The following SQOR variants were observed in gnomAD, a reference collection of about 807,000 sequenced individuals.
The protein encoded by SQOR is sulfide quinone oxidoreductase.
Under a neutral mutation model 48.6 loss-of-function variants are expected in SQOR, and 39 were observed. That is an observed-to-expected ratio of 0.80 (90% CI 0.62 to 1.05). SQOR has a LOEUF of 1.05. Ranked by LOEUF, SQOR falls within the 50% of genes least tolerant of loss-of-function variation. The pLI is 0.00. For missense variants in SQOR, 561 were observed against 559.9 expected, an observed-to-expected ratio of 1.00 and a Z score of -0.02; for synonymous variants, 220 against 206.2, an observed-to-expected ratio of 1.07 and a Z score of -0.57.
intron 1 of SQOR, chr15:45,645,946 A>T (rs533021126): frequency 3.9e-5 from 6 of 152,254 alleles, no homozygotes; most frequent in Admixed American, 2.0e-4. Context: ...CTATGTTTGT[A>T]TTTCTGATAC....
At chr15:45,656,341 C>G (rs759750315) in intron 1 of SQOR, among the ~76,000 whole-genome samples, 14 of 152,096 alleles carry the variant, frequency 9.2e-5, no homozygotes, top group Non-Finnish European at 1.9e-4. Flanking sequence ...CCCTCTCTTC[C>G]CAGGCTGGAG....
At chr15:45,652,151 G>A (rs556569376) in intron 1 of SQOR, among the ~76,000 whole-genome samples, 6 of 152,208 alleles carry the variant, frequency 3.9e-5, no homozygotes, top group African/African-American at 7.2e-5. Context: ...TGGGATTACA[G>A]GCGTGAGCCA....
upstream of SQOR, among the ~76,000 whole-genome samples, chr15:45,632,212 C>T (rs1894909303): frequency 7.0e-6 from 1 of 142,896 alleles, no homozygotes; most frequent in Non-Finnish European, 1.5e-5. Context: ...CTCCCTCCCT[C>T]CCTCCCTCCT....
intron 1 of SQOR, 99 bp from the exon 2 acceptor site, chr15:45,658,808 C>A: frequency 1.1e-6 from 1 of 924,960 alleles, no homozygotes. Flanking sequence ...CCAGCTGGAG[C>A]GGGCCAGATG....
intron 1 of SQOR, among the ~76,000 whole-genome samples, chr15:45,653,556 TTATAGAGCTC>T (rs1889537013): frequency 6.6e-6 from 1 of 152,152 alleles, no homozygotes; most frequent in Non-Finnish European, 1.5e-5. Context: ...TCTTGTCTTG[TTATAGAGCTC>T]AATTTCCAGC....
At chr15:45,689,411 A>G in intron 9 of SQOR, 194 bp downstream of exon 9, 1 of 430,596 alleles carries the variant, frequency 2.3e-6, no homozygotes, top group Admixed American at 4.3e-5. Context: ...ATCATCTGCT[A>G]CCTTACTTTT....
In SQOR at chr15:45,673,633, T is replaced by C. The variant is rs145954867; in HGVS notation, c.486T>C (p.Ala162=). Residue 162 remains alanine, a synonymous_variant, in exon 5 of 10, where the codon GCT becomes GCC. Coordinates refer to ENST00000260324, the MANE Select transcript of SQOR (RefSeq NM_021199.4). The stretch of plus-strand genomic sequence containing the variant: ...TTAAAGGCCTACCTGAAGGTTTCGC[T>C]CATCCCAAAATAGGGTCGAATTATT... ...EKIKGLPEGF[A]HPKIGSNYSV... The C allele has an allele frequency of 6.2e-7, 1 of 1,613,892 alleles. No homozygotes were observed. Among genetic ancestry groups the C allele is most frequent in the Non-Finnish European group, 8.5e-7 (1 of 1,179,940 alleles).
rs11449007 is a variant in SQOR at position 45,690,082 on chromosome 15, C to CTTTTTT, written c.1295+876_1296-875dup. ...TAAAAACGAGTAATTCCTCTTCCTCCTTTTTTTTTTTTTTTTGGAGGCAAA... is the reference window on the plus strand; with the variant it reads ...TAAAAACGAGTAATTCCTCTTCCTCCTTTTTTTTTTTTTTTTTTTTTTGGAGGCAAA... On this transcript the variant is annotated intron_variant, in intron 9 of 9. Coordinates refer to ENST00000260324, the MANE Select transcript of SQOR (RefSeq NM_021199.4). Among the ~76,000 whole-genome samples the CTTTTTT allele has an allele frequency of 6.6e-5, 9 of 137,014 alleles. 1 individual carries two copies. Among genetic ancestry groups the CTTTTTT allele is most frequent in the Admixed American group, 1.5e-4 (2 of 13,380 alleles). The allele number at this position is 137,014 out of a possible 152,430, so 89.9% of individuals were successfully genotyped here.
At chr15:45,641,044 TC>T (rs1224912112) in intron 1 of SQOR, among the ~76,000 whole-genome samples, 1 of 152,092 alleles carries the variant, frequency 6.6e-6, no homozygotes, top group Non-Finnish European at 1.5e-5. Flanking sequence ...TCATTTTTTT[TC>T]CCCCTATATA....
At chr15:45,677,699 T>G (rs1268374948) in intron 6 of SQOR, among the ~76,000 whole-genome samples, 1 of 152,124 alleles carries the variant, frequency 6.6e-6, no homozygotes, top group African/African-American at 2.4e-5. Context: ...TGATATGTAT[T>G]TATTTATTTA....
At chr15:45,631,964 C>T (rs1324221074), upstream of SQOR, 1 of 152,186 alleles carries the variant, frequency 6.6e-6, no homozygotes, top group Non-Finnish European at 1.5e-5. Flanking sequence ...TTGCTGGACA[C>T]AGAAGGCAAG....
intron 2 of SQOR, among the ~76,000 whole-genome samples, chr15:45,661,036 C>T (rs1218405959): frequency 6.6e-6 from 1 of 152,058 alleles, no homozygotes; most frequent in Admixed American, 6.6e-5. Context: ...AATCCCAGCA[C>T]TTTGAGAGGC....
At chr15:45,674,046 C>T (rs1296570993) in intron 5 of SQOR, 1 of 509,650 alleles carries the variant, frequency 2.0e-6, no homozygotes, top group Non-Finnish European at 3.5e-6. Flanking sequence ...TTTCTGTATA[C>T]TTAAATATGG....
In SQOR at chr15:45,659,160, A is replaced by T; in HGVS notation, c.234+3A>T. 6.6e-7 allele frequency: 1 copy of T among 1,514,182 alleles called. No homozygotes were observed. Among genetic ancestry groups the T allele is most frequent in the Non-Finnish European group, 8.9e-7 (1 of 1,123,170 alleles). 93.8% of individuals were successfully genotyped at this position (1,514,182 alleles called of 1,614,324 possible). A position where few individuals can be genotyped will look rare whatever the true frequency, so the allele number is the denominator to read the frequency against. On this transcript the variant is annotated splice_donor_region_variant and intron_variant, in intron 2 of 9. Coordinates refer to ENST00000260324, the MANE Select transcript of SQOR (RefSeq NM_021199.4). ...TGGCCATTGTTGAGCCCAGTGAGGT[A>T]AGCCTCCCCTTTTGAGGGCCTGGGT...
At chr15:45,677,584 T>C (rs1376447415) in intron 6 of SQOR, among the ~76,000 whole-genome samples, 3 of 152,234 alleles carry the variant, frequency 2.0e-5, no homozygotes, top group African/African-American at 4.8e-5. Context: ...TTCTATGACG[T>C]TGATATTTTG....
chr15:45,650,555 G>A (rs374994247), intron 1 of SQOR, among the ~76,000 whole-genome samples: 8 of 152,308 alleles, frequency 5.3e-5, no homozygotes, highest in East Asian at 3.9e-4. Flanking sequence ...TCCACAACAC[G>A]AAAGAGGACC....
At chr15:45,687,907 G>A (rs574337415) in intron 7 of SQOR, among the ~76,000 whole-genome samples, 6 of 152,248 alleles carry the variant, frequency 3.9e-5, no homozygotes, top group East Asian at 3.9e-4. Flanking sequence ...AGGACAGTCC[G>A]GTAGAGAGGA....
At chr15:45,655,035 C>T (rs558718082) in intron 1 of SQOR, among the ~76,000 whole-genome samples, 3 of 152,312 alleles carry the variant, frequency 2.0e-5, no homozygotes, top group Admixed American at 6.5e-5. Context: ...TTGCCAGCAT[C>T]TATGTCTGCA....
intron 2 of SQOR, among the ~76,000 whole-genome samples, chr15:45,660,563 T>C (rs1329569154): frequency 1.3e-5 from 2 of 152,198 alleles, no homozygotes; most frequent in Non-Finnish European, 2.9e-5. Context: ...CGTGAGGAAG[T>C]ACAGGACAGG....
Sources: allele counts gnomAD v4.1 joint callset (sites outside exome capture counted in the v4.1 genomes callset), GRCh38; gene constraint gnomAD v4.1.1; transcripts MANE v1.5; gene names NCBI Gene and HGNC (gene_info 2026-07-23, HGNC 2026-07-21).